Variants in ELMO1 observed in about 807,000 individuals in gnomAD.
ELMO1 encodes engulfment and cell motility protein 1.
ELMO1 carries 26 observed loss-of-function variants against 98.9 expected under a neutral mutation model. The observed-to-expected ratio is 0.26, with a 90% CI of 0.19 to 0.36. The LOEUF (loss-of-function observed/expected upper bound fraction) is 0.36. ELMO1 is among the 10% of genes least tolerant of loss of function. The probability of loss-of-function intolerance (pLI) is 1.00; values close to 1 mark genes in which losing one functional copy is unlikely to be tolerated. For missense variants in ELMO1, 627 were observed against 935.2 expected, an observed-to-expected ratio of 0.67 and a Z score of 4.30; for synonymous variants, 346 against 346.0, an observed-to-expected ratio of 1.00 and a Z score of 0.00.
At chr7:37,053,315 C>G (rs898399570) in intron 15 of ELMO1, among the ~76,000 whole-genome samples, 3 of 151,680 alleles carry the variant, frequency 2.0e-5, no homozygotes, top group Non-Finnish European at 2.9e-5. Flanking sequence ...CACACACACA[C>G]ACACACACAC....
chr7:37,316,126 C>T (rs1416572145), intron 2 of ELMO1, among the ~76,000 whole-genome samples, 166 bp from the exon 3 acceptor site: 1 of 152,128 alleles, frequency 6.6e-6, no homozygotes, highest in Non-Finnish European at 1.5e-5. Flanking sequence ...AACAATCTAC[C>T]AGCTGTCACC....
rs534066839 is a variant in ELMO1 at position 36,981,341 on chromosome 7, T to A, written c.1437+31958A>T. On this transcript the variant is annotated intron_variant, in intron 16 of 21. Transcript: ENST00000310758. ...TCTAGTTATTGAAGAGACTGATTAC[T>A]TTTTCATGGTGAGTTTTACATTAAA... Among the ~76,000 whole-genome samples, 3 of 152,002 alleles carry A rather than the reference T, an allele frequency of 2.0e-5. No individual in the cohort carries two copies. The East Asian group carries it at 5.9e-4, about 30-fold the overall frequency.
At chr7:37,196,934 C>T (rs1485238992) in intron 13 of ELMO1, among the ~76,000 whole-genome samples, 1 of 152,184 alleles carries the variant, frequency 6.6e-6, no homozygotes, top group Admixed American at 6.5e-5. Flanking sequence ...GGTGTGGCCA[C>T]TGCAGCTATT....
chr7:37,358,716 GA>G (rs200804152), intron 1 of ELMO1, among the ~76,000 whole-genome samples: 1,880 of 152,006 alleles, frequency 0.012, 17 homozygotes, highest in Admixed American at 0.021. Flanking sequence ...GAAATATGGG[GA>G]AAAAAAAGAG....
In ELMO1 at chr7:37,157,914, G is replaced by T. The variant is rs1326444739; in HGVS notation, c.1087-24680C>A. On this transcript the variant is annotated intron_variant, in intron 13 of 21. Transcript: ENST00000310758. ...ACCAGACTTCAAACTATACTATAAG[G>T]CTACAGTAACCAAAACAGCATGGTA... 4.6e-5 allele frequency among the ~76,000 whole-genome samples: 7 copies of T among 152,044 alleles called. No individual in the cohort carries two copies. In the South Asian group the frequency reaches 6.2e-4, roughly 14 times the overall value.
intron 16 of ELMO1, among the ~76,000 whole-genome samples, chr7:37,004,189 C>A (rs974907877): frequency 2.6e-5 from 4 of 152,116 alleles, no homozygotes; most frequent in Non-Finnish European, 5.9e-5. Flanking sequence ...TCTCATCATG[C>A]CTTACTTAAA....
chr7:37,171,280 T>C (rs1203268861), intron 13 of ELMO1, among the ~76,000 whole-genome samples: 1 of 151,862 alleles, frequency 6.6e-6, no homozygotes, highest in Non-Finnish European at 1.5e-5. Context: ...TAACAGGAGG[T>C]GCTGGGAAAT....
chr7:37,446,003 T>A (rs986099256), intron 1 of ELMO1, among the ~76,000 whole-genome samples: 5 of 152,178 alleles, frequency 3.3e-5, no homozygotes, highest in African/African-American at 4.8e-5. Flanking sequence ...GTTCCTTTCT[T>A]CAGGCAGAAA....
At position 36,961,483 on chromosome 7, in the gene ELMO1, G is replaced by A. The variant is rs114334235; in HGVS notation, c.1437+51816C>T. On this transcript the variant is annotated intron_variant, in intron 16 of 21. Transcript: ENST00000310758. Reference sequence around the variant, plus strand: ...CATTACATGGTATGAAAATTACAGAGTTTTAATCCATCAAACTACTTTAAG... The same window carrying A: ...CATTACATGGTATGAAAATTACAGAATTTTAATCCATCAAACTACTTTAAG... Among the ~76,000 whole-genome samples the A allele has an allele frequency of 4.3e-3, 649 of 152,258 alleles. 11 individuals carry two copies. The highest frequency in any genetic ancestry group is 0.015 in the African/African-American group (619 of 41,558).
chr7:37,183,593 T>A (rs1791017648), intron 13 of ELMO1, among the ~76,000 whole-genome samples: 1 of 152,118 alleles, frequency 6.6e-6, no homozygotes, highest in Admixed American at 6.6e-5. Context: ...AAACTGGAAT[T>A]TTCTCTATAA....
chr7:36,912,621 G>C (rs6957778), intron 16 of ELMO1, among the ~76,000 whole-genome samples: 3 of 151,936 alleles, frequency 2.0e-5, no homozygotes, highest in African/African-American at 4.8e-5. Flanking sequence ...CAATGAAGTC[G>C]AGAGAAAACT....
rs1327489911 is a variant in ELMO1 at position 36,853,603 on chromosome 7, G to A, written c.*1948C>T. On this transcript the variant is annotated 3_prime_UTR_variant, in exon 22 of 22. Transcript: ENST00000310758. ...GGTGTGAGTGCTCTGATGGGAAGAA[G>A]GAACCCCTGTGAATGCAAAGGACTT... Among the ~76,000 whole-genome samples, 1 of 152,232 alleles carries A rather than the reference G, an allele frequency of 6.6e-6. No individual in the cohort carries two copies. The highest frequency in any genetic ancestry group is 2.4e-5 in the African/African-American group (1 of 41,462).
intron 1 of ELMO1, among the ~76,000 whole-genome samples, chr7:37,413,930 G>A (rs139172943): frequency 2.6e-5 from 4 of 152,110 alleles, no homozygotes; most frequent in Non-Finnish European, 4.4e-5. Flanking sequence ...TGCCTGCCTC[G>A]CCCTCCCAGA....
intron 4 of ELMO1, among the ~76,000 whole-genome samples, chr7:37,299,343 C>T (rs1798235255): frequency 2.0e-5 from 3 of 151,336 alleles, no homozygotes; most frequent in African/African-American, 7.3e-5. Context: ...GAAGTCCTTG[C>T]CCATGCCTAT....
Position 37,342,787 on chromosome 7 carries a change from AAAGAG to A in ELMO1, c.-73-29_-73-25del. Reference sequence around the variant, plus strand: ...ACCTAATGAGGAATGACAGAAAAAGAAAGAGAAGTCACTCAGTGCAGATGCAGGGT... The same window carrying A: ...ACCTAATGAGGAATGACAGAAAAAGAAAGTCACTCAGTGCAGATGCAGGGT... On this transcript the variant is annotated intron_variant, in intron 1 of 21. Transcript: ENST00000310758. This position sits in a 1 kb window ranked among gnomAD's most constrained non-coding sequence, Gnocchi z 4.3. 1 of 1,149,304 alleles carries A rather than the reference AAAGAG, an allele frequency of 8.7e-7. No homozygotes were observed. The highest frequency in any genetic ancestry group is 1.5e-5 in the South Asian group (1 of 67,560). The allele number at this position is 1,149,304 out of a possible 1,614,324, so 71.2% of individuals were successfully genotyped here.
At chr7:37,325,925 C>T (rs1463179973) in intron 2 of ELMO1, among the ~76,000 whole-genome samples, 1 of 152,128 alleles carries the variant, frequency 6.6e-6, no homozygotes, top group Non-Finnish European at 1.5e-5. Context: ...GTCAATGACA[C>T]CAATCACTTT....
chr7:36,969,841 A>G (rs1014455236), intron 16 of ELMO1, among the ~76,000 whole-genome samples: 2 of 152,108 alleles, frequency 1.3e-5, no homozygotes, highest in African/African-American at 2.4e-5. Flanking sequence ...TTAATAATTA[A>G]AGTCAAGAGT....
In ELMO1 at chr7:37,292,557, G is replaced by T. The variant is rs1349225745; in HGVS notation, c.193-20675C>A. On this transcript the variant is annotated intron_variant, in intron 4 of 21. Transcript: ENST00000310758. Reference sequence around the variant, plus strand: ...TGGGAAGTGAGGAGCGTCTCTGCCCGGCCGCCCATCGTCTGAGATGTGGGG... The same window carrying T: ...TGGGAAGTGAGGAGCGTCTCTGCCCTGCCGCCCATCGTCTGAGATGTGGGG... Among the ~76,000 whole-genome samples the T allele has an allele frequency of 2.9e-3, 303 of 103,058 alleles. 1 individual carries two copies. Among genetic ancestry groups the T allele is most frequent in the Non-Finnish European group, 3.2e-3 (137 of 43,370 alleles). 67.6% of individuals were successfully genotyped at this position (103,058 alleles called of 152,430 possible).
intron 2 of ELMO1, among the ~76,000 whole-genome samples, chr7:37,317,158 C>G (rs778426166): frequency 1.3e-5 from 2 of 152,170 alleles, no homozygotes; most frequent in Non-Finnish European, 2.9e-5. Flanking sequence ...CACCCTTGGA[C>G]GTGATGCTAT....
Sources: allele counts gnomAD v4.1 joint callset (sites outside exome capture counted in the v4.1 genomes callset), GRCh38; gene constraint gnomAD v4.1.1; non-coding constraint Gnocchi (gnomAD v3.1); transcripts MANE v1.5; gene names NCBI Gene and HGNC (gene_info 2026-07-23, HGNC 2026-07-21).